LHFPL7: variants seen among roughly 807,000 people sequenced by gnomAD.
LHFPL7 encodes the protein LHFPL tetraspan subfamily member 7 protein.
At chr22:24,938,058 T>C in the LHFPL7 span, 1 of 1,368,048 alleles carries the variant, frequency 7.3e-7, no homozygotes, top group Non-Finnish European at 9.9e-7. Context: ...GAGGCCAGGC[T>C]CTGCTCACAG....
At chr22:24,945,262 C>A in the LHFPL7 span, among the ~76,000 whole-genome samples, 2 of 152,124 alleles carry the variant, frequency 1.3e-5, no homozygotes, top group African/African-American at 4.8e-5. Context: ...AGGGGTATGA[C>A]ATGAACCATC....
the LHFPL7 span, chr22:24,938,315 G>A: frequency 6.2e-7 from 1 of 1,613,888 alleles, no homozygotes; most frequent in South Asian, 1.1e-5. Context: ...GAGGAAAATT[G>A]CATTGAAGGC....
At chr22:24,938,900 ACG>A in the LHFPL7 span, among the ~76,000 whole-genome samples, 1 of 152,184 alleles carries the variant, frequency 6.6e-6, no homozygotes, top group Non-Finnish European at 1.5e-5. Flanking sequence ...TCTCAGAGAC[ACG>A]TTGGGGGCCA....
the LHFPL7 span, chr22:24,939,267 A>G: frequency 1.4e-6 from 1 of 698,298 alleles, no homozygotes; most frequent in Non-Finnish European, 2.6e-6. Context: ...CCGCTCAGCC[A>G]GCTTTCCTGC....
chr22:24,942,865 G>T, the LHFPL7 span, among the ~76,000 whole-genome samples: 3 of 150,820 alleles, frequency 2.0e-5, no homozygotes, highest in Non-Finnish European at 4.4e-5. Context: ...TGGGAGTGAG[G>T]GTTGTTGTGA....
chr22:24,935,342 C>T, the LHFPL7 span: 5 of 1,611,354 alleles, frequency 3.1e-6, no homozygotes, highest in African/African-American at 1.3e-5. Flanking sequence ...TTTATTTGTT[C>T]ATTTCTGGCA....
chr22:24,943,286 G>T, the LHFPL7 span, among the ~76,000 whole-genome samples: 4 of 152,196 alleles, frequency 2.6e-5, no homozygotes, highest in South Asian at 2.1e-4. Context: ...TTGTTCTCCA[G>T]ATAATGCTCA....
At chr22:24,941,139 C>T in the LHFPL7 span, among the ~76,000 whole-genome samples, 309 of 150,100 alleles carry the variant, frequency 2.1e-3, 1 homozygote, top group African/African-American at 7.0e-3. Context: ...GTGCTGTATG[C>T]GTGCATTTCT....
chr22:24,939,605 A>G, the LHFPL7 span: 3 of 695,568 alleles, frequency 4.3e-6, no homozygotes, highest in Admixed American at 6.0e-5. Flanking sequence ...CAAGGAGAGA[A>G]AGGGGCTGGC....
the LHFPL7 span, among the ~76,000 whole-genome samples, chr22:24,938,905 G>T: frequency 6.6e-6 from 1 of 152,180 alleles, no homozygotes; most frequent in East Asian, 1.9e-4. Context: ...GAGACACGTT[G>T]GGGGCCATCA....
At chr22:24,939,327 G>C in the LHFPL7 span, 1 of 702,754 alleles carries the variant, frequency 1.4e-6, no homozygotes, top group Non-Finnish European at 2.6e-6. Context: ...TGGTGAGCCA[G>C]CTCTCACCTT....
At chr22:24,942,990 G>C in the LHFPL7 span, among the ~76,000 whole-genome samples, 1 of 151,134 alleles carries the variant, frequency 6.6e-6, no homozygotes, top group Non-Finnish European at 1.5e-5. Flanking sequence ...GGGTCAAGTT[G>C]CACGGGCTTT....
chr22:24,939,286 G>A, the LHFPL7 span: 1 of 701,670 alleles, frequency 1.4e-6, no homozygotes, highest in African/African-American at 1.7e-5. Flanking sequence ...GCCTTAATGA[G>A]TTTAAACGAG....
chr22:24,943,558 C>T, the LHFPL7 span, among the ~76,000 whole-genome samples: 6 of 152,136 alleles, frequency 3.9e-5, no homozygotes, highest in Non-Finnish European at 7.4e-5. Flanking sequence ...CCACCTGATG[C>T]GATAGATACT....
the LHFPL7 span, among the ~76,000 whole-genome samples, chr22:24,943,311 A>G: frequency 6.6e-6 from 1 of 152,206 alleles, no homozygotes; most frequent in African/African-American, 2.4e-5. Context: ...CACCTGGGAA[A>G]ATCACGTCAA....
At chr22:24,941,699 T>G in the LHFPL7 span, among the ~76,000 whole-genome samples, 5 of 150,810 alleles carry the variant, frequency 3.3e-5, no homozygotes, top group African/African-American at 1.2e-4. Context: ...TGAGACGGAG[T>G]CTTGCTCTGT....
chr22:24,944,022 G>A, the LHFPL7 span, among the ~76,000 whole-genome samples: 2 of 152,152 alleles, frequency 1.3e-5, no homozygotes, highest in African/African-American at 4.8e-5. Context: ...AGGATACAGT[G>A]GTGAACAGAA....
the LHFPL7 span, among the ~76,000 whole-genome samples, chr22:24,938,768 C>G: frequency 6.6e-6 from 1 of 152,180 alleles, no homozygotes; most frequent in East Asian, 1.9e-4. Flanking sequence ...CCCATTCTCC[C>G]CATTGTTGAT....
the LHFPL7 span, among the ~76,000 whole-genome samples, chr22:24,940,665 CCTTCCTTCCCTCCTTCCT>C: frequency 1.6e-5 from 2 of 129,006 alleles, no homozygotes; most frequent in South Asian, 3.2e-4. Flanking sequence ...TTCCTTCCTT[CCTTCCTTCCCTCCTTCCT>C]TCTCTCTCCC....
Sources: gnomAD v4.1 joint callset for allele counts (sites outside exome capture counted in the v4.1 genomes callset) on GRCh38, gnomAD v4.1.1 for gene constraint, MANE v1.5 for transcripts, NCBI Gene and HGNC (gene_info 2026-07-23, HGNC 2026-07-21) for gene names.